DDX10: variants seen among roughly 807,000 people sequenced by gnomAD.
DDX10 encodes the protein DEAD-box helicase 10, also known as probable ATP-dependent RNA helicase DDX10.
In DDX10, 74 loss-of-function variants were observed where a neutral mutation model predicts 104.3. The ratio of observed to expected loss-of-function variants is 0.71; its 90% CI spans 0.59 to 0.86. The LOEUF is 0.86. Among genes scored for constraint, DDX10 ranks in the 40% least tolerant of loss-of-function variants. The probability of loss-of-function intolerance (pLI) is 0.00; values close to 1 mark genes in which losing one functional copy is unlikely to be tolerated. For synonymous variants in DDX10, 351 were observed against 353.4 expected, an observed-to-expected ratio of 0.99 and a Z score of 0.08; for missense variants, 952 against 1,040.0, an observed-to-expected ratio of 0.92 and a Z score of 1.16.
intron 13 of DDX10, among the ~76,000 whole-genome samples, chr11:108,731,521 T>C (rs566728188): frequency 2.0e-5 from 3 of 151,880 alleles, no homozygotes; most frequent in African/African-American, 7.2e-5. Flanking sequence ...GGTTTCTTTT[T>C]TTTTTTTTTG....
chr11:108,807,142 A>G (rs1192928124), intron 13 of DDX10, among the ~76,000 whole-genome samples: 2 of 152,144 alleles, frequency 1.3e-5, no homozygotes, highest in Non-Finnish European at 2.9e-5. Context: ...AGGATTTCCT[A>G]ATGAATTAGA....
intron 16 of DDX10, among the ~76,000 whole-genome samples, chr11:108,852,950 A>G (rs569534144): frequency 2.6e-5 from 4 of 152,112 alleles, no homozygotes; most frequent in African/African-American, 4.8e-5. Flanking sequence ...CAAAGCTCCA[A>G]CTCCCTTGAG....
intron 13 of DDX10, chr11:108,767,980 A>T (rs1591813092): frequency 6.6e-6 from 1 of 152,312 alleles, no homozygotes; most frequent in Middle Eastern, 3.4e-3. Context: ...CTTTATAATG[A>T]TCCACTTCCA....
At chr11:108,903,589 G>A (rs922333093) in intron 16 of DDX10, among the ~76,000 whole-genome samples, 4 of 152,058 alleles carry the variant, frequency 2.6e-5, no homozygotes, top group Non-Finnish European at 5.9e-5. Context: ...TATTATATTA[G>A]GTATTATAAG....
intron 16 of DDX10, among the ~76,000 whole-genome samples, chr11:108,873,314 T>C (rs1565305162): frequency 1.3e-5 from 2 of 152,166 alleles, no homozygotes; most frequent in Non-Finnish European, 2.9e-5. Flanking sequence ...ATGATATTTA[T>C]CAAAAATGAG....
At chr11:108,708,079 A>G (rs1316771429) in intron 10 of DDX10, among the ~76,000 whole-genome samples, 2 of 152,166 alleles carry the variant, frequency 1.3e-5, no homozygotes, top group Non-Finnish European at 2.9e-5. Flanking sequence ...ACTGTCTTCC[A>G]AAGTGGCTAC....
chr11:108,807,103 C>T (rs1418931618), intron 13 of DDX10, among the ~76,000 whole-genome samples: 1 of 152,014 alleles, frequency 6.6e-6, no homozygotes, highest in African/African-American at 2.4e-5. Flanking sequence ...GTGGATGTAA[C>T]AGAAATATAT....
In DDX10 at chr11:108,681,816, A is replaced by G. The variant is rs1047323690; in HGVS notation, c.848+2256A>G. Among the ~76,000 whole-genome samples the G allele has an allele frequency of 2.0e-5, 3 of 152,198 alleles. No individual in the cohort carries two copies. The East Asian group carries it at 5.8e-4, about 29-fold the overall frequency. On this transcript the variant is annotated intron_variant, in intron 6 of 17. Transcript: ENST00000322536. The stretch of plus-strand genomic sequence containing the variant: ...GATTATGAAAAATTTCAAATTTGAG[A>G]TATGTCATGAGCTTATGTTATTAGG...
chr11:108,764,383 A>G (rs953043476), intron 13 of DDX10, among the ~76,000 whole-genome samples: 16 of 152,106 alleles, frequency 1.1e-4, no homozygotes, highest in African/African-American at 3.6e-4. Context: ...CTGTTTGCAA[A>G]TGGGCCAGGT....
At chr11:108,884,954 C>T (rs1332593922) in intron 16 of DDX10, among the ~76,000 whole-genome samples, 1 of 152,128 alleles carries the variant, frequency 6.6e-6, no homozygotes, top group African/African-American at 2.4e-5. Flanking sequence ...TTTTCCTCTA[C>T]AGGTGGTCTT....
intron 16 of DDX10, among the ~76,000 whole-genome samples, chr11:108,902,408 A>G (rs1863528239): frequency 6.6e-6 from 1 of 152,176 alleles, no homozygotes; most frequent in African/African-American, 2.4e-5. Flanking sequence ...TCTTCATGAC[A>G]TAATGAGAAG....
Position 108,917,935 on chromosome 11 carries a change from A to G in DDX10, c.2367A>G (p.Gly789=), listed in dbSNP as rs1863773057. The change falls in exon 17 of 18, where the codon GGA becomes GGG. Residue 789 remains glycine, a synonymous_variant. Coordinates refer to ENST00000322536, the MANE Select transcript of DDX10 (RefSeq NM_004398.4). The part of the protein sequence containing the change: ...WSDDDDDDDD[G]FDPSTLPDPD... ...ATGATGATGATGATGATGATGATGG[A>G]TTTGATCCAAGCACACTCCCAGATC... 3.1e-6 allele frequency: 5 copies of G among 1,606,124 alleles called. No individual in the cohort carries two copies. Among genetic ancestry groups the G allele is most frequent in the Non-Finnish European group, 3.4e-6 (4 of 1,177,486 alleles).
chr11:108,900,534 A>G (rs528623892), intron 16 of DDX10, among the ~76,000 whole-genome samples: 11 of 152,296 alleles, frequency 7.2e-5, no homozygotes, highest in African/African-American at 2.6e-4. Flanking sequence ...AGTATAAGAC[A>G]CTTTATTTTC....
At chr11:108,803,218 T>G (rs1018140906) in intron 13 of DDX10, among the ~76,000 whole-genome samples, 6 of 152,154 alleles carry the variant, frequency 3.9e-5, no homozygotes, top group Admixed American at 2.0e-4. Flanking sequence ...CCTTTCTTAC[T>G]CGGTCATTTC....
chr11:108,939,255 CTTT>C (rs537678887), intron 17 of DDX10, among the ~76,000 whole-genome samples: 23 of 152,266 alleles, frequency 1.5e-4, no homozygotes, highest in Admixed American at 9.2e-4. Context: ...ACTCTAATTG[CTTT>C]CAAAAGCTTG....
chr11:108,802,819 TTA>T (rs1167787998), intron 13 of DDX10, among the ~76,000 whole-genome samples: 1 of 152,236 alleles, frequency 6.6e-6, no homozygotes, highest in African/African-American at 2.4e-5. Context: ...TTTCATGAAT[TTA>T]TCTTTGTAGA....
intron 13 of DDX10, among the ~76,000 whole-genome samples, chr11:108,808,130 A>AT (rs769605591): frequency 2.0e-5 from 3 of 152,300 alleles, no homozygotes; most frequent in Non-Finnish European, 2.9e-5. Flanking sequence ...GGAGAAAACT[A>AT]TTTTTACAAA....
At chr11:108,736,332 G>T (rs182097562) in intron 13 of DDX10, among the ~76,000 whole-genome samples, 1 of 152,002 alleles carries the variant, frequency 6.6e-6, no homozygotes, top group East Asian at 1.9e-4. Context: ...GTGTGTATTC[G>T]TAACATAGTG....
At chr11:108,865,007 A>G (rs1862990294) in intron 16 of DDX10, among the ~76,000 whole-genome samples, 1 of 152,174 alleles carries the variant, frequency 6.6e-6, no homozygotes. Flanking sequence ...CTGGGATATA[A>G]GGGCATCAGA....
Sources: allele counts gnomAD v4.1 joint callset (sites outside exome capture counted in the v4.1 genomes callset), GRCh38; gene constraint gnomAD v4.1.1; transcripts MANE v1.5; gene names NCBI Gene and HGNC (gene_info 2026-07-23, HGNC 2026-07-21).